Variants in WDHD1 observed in about 807,000 individuals in gnomAD.
The protein encoded by WDHD1 is WD repeat and HMG-box DNA binding protein 1, also known as WD repeat and HMG-box DNA-binding protein 1.
WDHD1 carries 111 observed loss-of-function variants against 135.4 expected under a neutral mutation model. That is an observed-to-expected ratio of 0.82 (90% CI 0.70 to 0.96). WDHD1 has a LOEUF of 0.96. Ranked by LOEUF, WDHD1 falls within the 40% of genes least tolerant of loss-of-function variation. WDHD1 has a pLI of 0.00. For missense variants in WDHD1, 1,351 were observed against 1,336.3 expected (o/e 1.01, Z -0.17); for synonymous variants, 434 against 439.0 (o/e 0.99, Z 0.14).
At chr14:55,008,259 A>C in intron 6 of WDHD1, 57 bp downstream of exon 6, 1 of 1,534,490 alleles carries the variant, frequency 6.5e-7, no homozygotes, top group Non-Finnish European at 8.9e-7. Context: ...AATACGACAT[A>C]TAACAATTTA....
intron 15 of WDHD1, among the ~76,000 whole-genome samples, chr14:54,982,390 A>G (rs2041633479): frequency 1.3e-5 from 2 of 152,222 alleles, no homozygotes; most frequent in African/African-American, 4.8e-5. Flanking sequence ...TAGAAAAATG[A>G]CCAAAATCTG....
rs955518852 is a variant in WDHD1, at chr14:55,026,972, C to T, written c.-17+56G>A. The T allele has an allele frequency of 1.9e-5, 12 of 619,566 alleles. No homozygotes were observed. In the Admixed American group the frequency reaches 3.0e-4, roughly 15 times the overall value. 38.4% of individuals were successfully genotyped at this position (619,566 alleles called of 1,614,324 possible). A position where few individuals can be genotyped will look rare whatever the true frequency, so the allele number is the denominator to read the frequency against. ...GCAGAGGGTCTGTCAGACAATAAGC[C>T]GGAAAGGGAACACGCATCTCCTTGG... is the stretch of plus-strand genomic sequence containing the variant. On this transcript the variant is annotated intron_variant, in intron 1 of 25. Coordinates refer to ENST00000360586, the MANE Select transcript of WDHD1 (RefSeq NM_007086.4).
chr14:55,025,309 G>GA (rs1199676686), intron 2 of WDHD1, among the ~76,000 whole-genome samples: 1 of 150,262 alleles, frequency 6.7e-6, no homozygotes, highest in Admixed American at 6.6e-5. Flanking sequence ...CCCTCTTCGA[G>GA]AAACACCCAC....
intron 2 of WDHD1, among the ~76,000 whole-genome samples, chr14:55,023,281 T>C (rs547121370): frequency 6.6e-6 from 1 of 152,356 alleles, no homozygotes; most frequent in East Asian, 1.9e-4. Flanking sequence ...TGCCTTTCTA[T>C]TGCAATCCTA....
At chr14:55,018,572 G>A (rs914811311) in intron 2 of WDHD1, among the ~76,000 whole-genome samples, 3 of 152,072 alleles carry the variant, frequency 2.0e-5, no homozygotes, top group Non-Finnish European at 4.4e-5. Flanking sequence ...TAAAAACAGT[G>A]AAGACCCTAT....
intron 24 of WDHD1, among the ~76,000 whole-genome samples, chr14:54,946,851 C>A (rs1169802412): frequency 1.3e-5 from 2 of 152,140 alleles, no homozygotes; most frequent in East Asian, 3.9e-4. Context: ...TGAGACCAGC[C>A]TGGCCAACGT....
intron 16 of WDHD1, among the ~76,000 whole-genome samples, chr14:54,980,984 A>C (rs2140189286): frequency 6.7e-6 from 1 of 149,454 alleles, no homozygotes; most frequent in Middle Eastern, 3.8e-3. Flanking sequence ...GATGGTGCGC[A>C]CCTATAATCC....
At chr14:54,961,139 T>C (rs2041245056) in intron 21 of WDHD1, among the ~76,000 whole-genome samples, 1 of 151,784 alleles carries the variant, frequency 6.6e-6, no homozygotes, top group African/African-American at 2.4e-5. Context: ...CAGCACAGTG[T>C]GCCATGCTAT....
rs1055492077 is a variant in WDHD1 at position 55,027,018 on chromosome 14, G to T, written c.-17+10C>A. 6 of 534,206 alleles carry T rather than the reference G, an allele frequency of 1.1e-5. No individual in the cohort carries two copies. Among genetic ancestry groups the T allele is most frequent in the African/African-American group, 1.9e-5 (1 of 52,546 alleles). The allele number at this position is 534,206 out of a possible 1,614,324, so 33.1% of individuals were successfully genotyped here. A position where few individuals can be genotyped will look rare whatever the true frequency, so the allele number is the denominator to read the frequency against. On this transcript the variant is annotated intron_variant, in intron 1 of 25. Coordinates refer to ENST00000360586, the MANE Select transcript of WDHD1 (RefSeq NM_007086.4). ...CTTGGTGGACGCGGGCAGCCGGAGT[G>T]GGGACTCACCCGGGTGACCGAGCCT...
intron 2 of WDHD1, among the ~76,000 whole-genome samples, chr14:55,025,356 G>C (rs1383979042): frequency 6.6e-6 from 1 of 151,252 alleles, no homozygotes; most frequent in Non-Finnish European, 1.5e-5. Context: ...TCAGAGGCTG[G>C]CGGGATCCTC....
Position 54,941,181 on chromosome 14 carries a change from C to T in WDHD1, c.*309G>A, listed in dbSNP as rs1366044170. 1.9e-5 allele frequency: 4 copies of T among 212,604 alleles called. No individual in the cohort carries two copies. The highest frequency in any genetic ancestry group is 9.3e-5 in the African/African-American group (4 of 42,960). 13.2% of individuals were successfully genotyped at this position (212,604 alleles called of 1,614,324 possible). A position where few individuals can be genotyped will look rare whatever the true frequency, so the allele number is the denominator to read the frequency against. On this transcript the variant is annotated 3_prime_UTR_variant, in exon 26 of 26. Coordinates refer to ENST00000360586, the MANE Select transcript of WDHD1 (RefSeq NM_007086.4). Reference sequence around the variant, plus strand: ...TATTAATGCACAAAGGTTTTAATACCTTGGCTTTAATGATTTTTCAAGGTT... The same window carrying T: ...TATTAATGCACAAAGGTTTTAATACTTTGGCTTTAATGATTTTTCAAGGTT...
intron 15 of WDHD1, among the ~76,000 whole-genome samples, chr14:54,982,278 G>T (rs1170225699): frequency 6.6e-6 from 1 of 151,992 alleles, no homozygotes; most frequent in Non-Finnish European, 1.5e-5. Context: ...CAAAGTGCTG[G>T]GATTACAGGC....
At position 54,955,286 on chromosome 14, in the gene WDHD1, T is replaced by C. The variant is rs77973554; in HGVS notation, c.3050+275A>G. On this transcript the variant is annotated intron_variant, in intron 24 of 25. Coordinates refer to ENST00000360586, the MANE Select transcript of WDHD1 (RefSeq NM_007086.4). The stretch of plus-strand genomic sequence containing the variant: ...TGCTATTTCTCCCCATTAAACTATT[T>C]AAAAACAAACAAAAAATTAATTACA... Among the ~76,000 whole-genome samples the C allele has an allele frequency of 6.6e-5, 10 of 152,204 alleles. No homozygotes were observed. The East Asian group carries it at 1.9e-3, about 29-fold the overall frequency.
chr14:54,959,278 G>A (rs1419138250), intron 21 of WDHD1, among the ~76,000 whole-genome samples: 1 of 149,278 alleles, frequency 6.7e-6, no homozygotes, highest in Non-Finnish European at 1.5e-5. Flanking sequence ...CATGCCTGTG[G>A]TCCTAGTTAC....
rs1008520175 is a variant in WDHD1, at chr14:54,939,673, G to A, written c.*1817C>T. ...TAATGTTTCTTGGTTTCAAAGTTCTGATTTGTAAGTTAAACCAAGTCAATA... is the reference window on the plus strand; with the variant it reads ...TAATGTTTCTTGGTTTCAAAGTTCTAATTTGTAAGTTAAACCAAGTCAATA... On this transcript the variant is annotated 3_prime_UTR_variant, in exon 26 of 26. Coordinates refer to ENST00000360586, the MANE Select transcript of WDHD1 (RefSeq NM_007086.4). 1.3e-5 allele frequency: 2 copies of A among 151,292 alleles called. No individual in the cohort carries two copies. Among genetic ancestry groups the A allele is most frequent in the African/African-American group, 4.8e-5 (2 of 41,242 alleles). The allele number at this position is 151,292 out of a possible 1,614,324, so 9.4% of individuals were successfully genotyped here. A position where few individuals can be genotyped will look rare whatever the true frequency, so the allele number is the denominator to read the frequency against.
chr14:54,973,223 C>G (rs946041614), intron 16 of WDHD1, among the ~76,000 whole-genome samples: 2 of 151,914 alleles, frequency 1.3e-5, no homozygotes, highest in Admixed American at 1.3e-4. Context: ...TATAGTATAG[C>G]CTTTTAATCA....
chr14:54,941,495 C>T lies in WDHD1; in HGVS notation c.3385G>A (p.Glu1129Lys). Reference protein sequence around the residue: ...QKLSAFAFKQE With the variant: ...QKLSAFAFKQK ...CCTAGGGTCACTTTCTTCCTTTACT[C>T]CTGCTTAAATGCAAAAGCTGATAGT... The change falls in exon 26 of 26, where the codon GAG (glutamate) becomes AAG (lysine). Residue 1129 changes from glutamate (E) to lysine (K), a missense_variant. By Grantham distance (56) the Glu-to-Lys change is moderately conservative (BLOSUM62 1). Transcript: ENST00000360586. The T allele has an allele frequency of 6.2e-7, 1 of 1,609,396 alleles. No homozygotes were observed. The highest frequency in any genetic ancestry group is 8.5e-7 in the Non-Finnish European group (1 of 1,178,980).
intron 3 of WDHD1, among the ~76,000 whole-genome samples, chr14:55,011,713 T>C (rs1431227680): frequency 1.3e-5 from 2 of 151,852 alleles, no homozygotes; most frequent in Non-Finnish European, 1.5e-5. Flanking sequence ...TATTAACTGT[T>C]CTGAATCTCA....
At position 54,981,640 on chromosome 14, in the gene WDHD1, C is replaced by T; in HGVS notation, c.1963G>A (p.Gly655Ser). The change falls in exon 16 of 26, where the codon GGT (glycine) becomes AGT (serine). Residue 655 changes from glycine to serine, a missense_variant. Physicochemically the swap from Gly to Ser is moderately conservative, Grantham distance 56. This residue lies in a region of WDHD1 where 1,330 missense variants were observed against 1,296.1 expected (regional missense o/e 1.03). Transcript: ENST00000360586. Reference protein sequence around the residue: ...GIVRMLNRGLGNTWTPICNTR... With the variant: ...GIVRMLNRGLSNTWTPICNTR... ...TTACATATAGGAGTCCACGTATTAC[C>T]AAGTCCTCTGTTAAGCATTCGAACA... is the stretch of plus-strand genomic sequence containing the variant. 6.2e-7 allele frequency: 1 copy of T among 1,611,424 alleles called. No individual in the cohort carries two copies. The highest frequency in any genetic ancestry group is 8.5e-7 in the Non-Finnish European group (1 of 1,177,674).
Sources: allele counts gnomAD v4.1 joint callset (sites outside exome capture counted in the v4.1 genomes callset), GRCh38; gene constraint gnomAD v4.1.1; regional missense constraint gnomAD v4.1.1; transcripts MANE v1.5; gene names NCBI Gene and HGNC (gene_info 2026-07-23, HGNC 2026-07-21).